Variants in ARHGEF28 observed in about 807,000 individuals in gnomAD.
ARHGEF28 encodes Rho guanine nucleotide exchange factor 28.
A neutral mutation model predicts 206.6 loss-of-function variants in ARHGEF28; 152 were observed. The ratio of observed to expected loss-of-function variants is 0.74; its 90% confidence interval spans 0.64 to 0.84. The LOEUF is 0.84. ARHGEF28 is among the 40% of genes least tolerant of loss of function. The pLI, the probability that ARHGEF28 is intolerant of heterozygous loss-of-function variation, is 0.00. For missense variants in ARHGEF28, 2,028 were observed against 2,073.2 expected (o/e 0.98, Z 0.42); for synonymous variants, 763 against 776.4 (o/e 0.98, Z 0.29).
chr5:73,858,308 A>G (rs1316761087), intron 16 of ARHGEF28, 89 bp downstream of exon 16: 1 of 1,452,476 alleles, frequency 6.9e-7, no homozygotes, highest in Non-Finnish European at 9.2e-7. Context: ...ACATTTACAT[A>G]AACCTTTTCA....
chr5:73,686,906 A>C (rs1308888696), intron 2 of ARHGEF28, among the ~76,000 whole-genome samples: 2 of 152,110 alleles, frequency 1.3e-5, no homozygotes, highest in Non-Finnish European at 2.9e-5. Context: ...ATAAGTCATA[A>C]TCTCACCCCC....
intron 7 of ARHGEF28, among the ~76,000 whole-genome samples, 159 bp downstream of exon 7, chr5:73,780,904 A>G (rs549804247): frequency 4.5e-4 from 68 of 152,196 alleles, no homozygotes; most frequent in Non-Finnish European, 9.0e-4. Flanking sequence ...GTCCTCGGAC[A>G]GCATCAAATG....
chr5:73,806,331 GTATA>G (rs1184163018), intron 9 of ARHGEF28, among the ~76,000 whole-genome samples: 1 of 126,046 alleles, frequency 7.9e-6, no homozygotes, highest in South Asian at 2.5e-4. Context: ...ACTCTATAGA[GTATA>G]TATATACTAT....
intron 7 of ARHGEF28, among the ~76,000 whole-genome samples, chr5:73,782,270 C>T (rs528242219): frequency 6.6e-6 from 1 of 152,124 alleles, no homozygotes; most frequent in Admixed American, 6.5e-5. Flanking sequence ...GAAACCCCGT[C>T]TTTACTAAAA....
chr5:73,674,823 G>C (rs1169583233), intron 1 of ARHGEF28, among the ~76,000 whole-genome samples: 1 of 152,194 alleles, frequency 6.6e-6, no homozygotes, highest in East Asian at 1.9e-4. Context: ...TAAAAGGACT[G>C]GGTTCTTGGA....
rs747271912 is a variant in ARHGEF28, at chr5:73,846,297, G to T, written c.1457G>T (p.Ser486Ile). ...SSSLDALDAD[S>I]EGEGHSEPSH... is the part of the protein sequence containing the mutation. ...AGCCTTGATGCCTTGGACGCCGACAGTGAAGGGGAAGGGCATTCTGAGCCA... is the reference window on the plus strand; with the variant it reads ...AGCCTTGATGCCTTGGACGCCGACATTGAAGGGGAAGGGCATTCTGAGCCA... The change falls in exon 12 of 36, where the codon AGT (serine) becomes ATT (isoleucine). Residue 486 changes from serine to isoleucine, a missense_variant. By Grantham distance (142) the Ser-to-Ile change is moderately radical. Coordinates refer to ENST00000513042, the MANE Select transcript of ARHGEF28 (RefSeq NM_001177693.2). 7.4e-6 allele frequency: 12 copies of T among 1,613,732 alleles called. No individual in the cohort carries two copies. The highest frequency in any genetic ancestry group is 1.3e-5 in the African/African-American group (1 of 75,018).
At chr5:73,870,507 G>A (rs1199031157) in intron 21 of ARHGEF28, among the ~76,000 whole-genome samples, 1 of 152,194 alleles carries the variant, frequency 6.6e-6, no homozygotes, top group Non-Finnish European at 1.5e-5. Context: ...CAGAGCAAAT[G>A]TTATTTCCCA....
At chr5:73,831,333 C>T (rs187180390) in intron 9 of ARHGEF28, among the ~76,000 whole-genome samples, 28 of 152,266 alleles carry the variant, frequency 1.8e-4, no homozygotes, top group Non-Finnish European at 3.2e-4. Context: ...CGTTCTAGCT[C>T]GAATGTGTTT....
At chr5:73,789,707 C>T (rs79187735) in intron 7 of ARHGEF28, among the ~76,000 whole-genome samples, 3,021 of 151,992 alleles carry the variant, frequency 0.02, 51 homozygotes, top group East Asian at 0.065. Context: ...ATACAAAAGA[C>T]TTTATTGCAG....
intron 4 of ARHGEF28, among the ~76,000 whole-genome samples, chr5:73,768,433 G>C (rs1753034169): frequency 6.6e-6 from 1 of 152,200 alleles, no homozygotes. Context: ...ACCACCTCTT[G>C]CATCAGTGTG....
chr5:73,921,876 T>G (rs1763539165), intron 35 of ARHGEF28, among the ~76,000 whole-genome samples: 1 of 152,236 alleles, frequency 6.6e-6, no homozygotes, highest in Non-Finnish European at 1.5e-5. Flanking sequence ...AATGACCTGC[T>G]TCCTACCAGT....
At chr5:73,886,272 T>A (rs1163004421) in intron 25 of ARHGEF28, among the ~76,000 whole-genome samples, 168 bp downstream of exon 25, 1 of 152,242 alleles carries the variant, frequency 6.6e-6, no homozygotes, top group East Asian at 1.9e-4. Flanking sequence ...TGGCCAATGA[T>A]ACAAATCTTT....
At chr5:73,735,238 T>A (rs557193223) in intron 2 of ARHGEF28, among the ~76,000 whole-genome samples, 53 of 151,218 alleles carry the variant, frequency 3.5e-4, no homozygotes, top group Non-Finnish European at 4.0e-4. Flanking sequence ...TTAATTAAAT[T>A]AAAATTAATT....
intron 7 of ARHGEF28, among the ~76,000 whole-genome samples, chr5:73,789,244 G>A (rs1038777283): frequency 2.0e-5 from 3 of 152,140 alleles, no homozygotes; most frequent in Non-Finnish European, 4.4e-5. Flanking sequence ...TACATGCTAC[G>A]GCATGGGTGA....
intron 25 of ARHGEF28, among the ~76,000 whole-genome samples, chr5:73,886,504 TAAAAAGAA>T (rs902478662): frequency 5.5e-4 from 83 of 152,234 alleles, no homozygotes; most frequent in African/African-American, 1.9e-3. Context: ...AGGGGAGAAA[TAAAAAGAA>T]CTCTGAATGT....
chr5:73,742,686 C>T (rs553274298), intron 2 of ARHGEF28, among the ~76,000 whole-genome samples: 1 of 150,630 alleles, frequency 6.6e-6, no homozygotes, highest in Non-Finnish European at 1.5e-5. Context: ...TAGCCGGGCG[C>T]GGTGGCGGGC....
At chr5:73,665,400 C>T (rs1745889872) in intron 1 of ARHGEF28, among the ~76,000 whole-genome samples, 1 of 152,122 alleles carries the variant, frequency 6.6e-6, no homozygotes, top group Non-Finnish European at 1.5e-5. Flanking sequence ...CAGCTTACTG[C>T]AGCTTCAAAC....
rs1448829219 is a variant in ARHGEF28 at position 73,730,826 on chromosome 5, A to G, written c.34-19011A>G. Among the ~76,000 whole-genome samples the G allele has an allele frequency of 7.9e-5, 12 of 152,152 alleles. 1 individual carries two copies. Among genetic ancestry groups the G allele is most frequent in the Admixed American group, 5.2e-4 (8 of 15,280 alleles). On this transcript the variant is annotated intron_variant, in intron 2 of 35. Transcript: ENST00000513042. The stretch of plus-strand genomic sequence containing the variant: ...AAATGAAAAATTTATTCTCTAGTTT[A>G]TCCTAAAAATTAAGTAGCTGTTTAG...
chr5:73,767,593 CG>C (rs1395115731), intron 4 of ARHGEF28, among the ~76,000 whole-genome samples: 4 of 152,028 alleles, frequency 2.6e-5, no homozygotes, highest in African/African-American at 9.7e-5. Flanking sequence ...GGGCATCTGG[CG>C]GAAGAAATTT....
Sources: allele counts gnomAD v4.1 joint callset (sites outside exome capture counted in the v4.1 genomes callset), GRCh38; gene constraint gnomAD v4.1.1; transcripts MANE v1.5; gene names NCBI Gene and HGNC (gene_info 2026-07-23, HGNC 2026-07-21).